DST: variants seen among roughly 807,000 people sequenced by gnomAD.
DST encodes bullous pemphigoid antigen.
Under a neutral mutation model 875.2 loss-of-function variants are expected in DST, and 253 were observed. The ratio of observed to expected loss-of-function variants is 0.29; its 90% CI spans 0.26 to 0.32. DST has a LOEUF of 0.32. Ranked by LOEUF, DST falls within the 10% of genes least tolerant of loss-of-function variation. The probability of loss-of-function intolerance (pLI) is 1.00; values close to 1 mark genes in which losing one functional copy is unlikely to be tolerated. For missense variants in DST, 8,287 were observed against 9,111.6 expected (o/e 0.91, Z 3.68); for synonymous variants, 3,124 against 3,197.1 (o/e 0.98, Z 0.77).
Position 56,628,128 on chromosome 6 carries a change from C to A in DST, c.4509G>T (p.Leu1503=). ...GATGGTAAGTGTCTCTGTAGTACTT[C>A]AGTGATTTGCCAATGCCCTCTAAGT... is the stretch of plus-strand genomic sequence containing the variant. ...LRDLEGIGKS[L]KYYRDTYHPL... Residue 1503 remains leucine (L), a synonymous_variant, in exon 33 of 104, where the codon CTG becomes CTT. Transcript: ENST00000680361. The A allele has an allele frequency of 1.2e-6, 2 of 1,613,852 alleles. No homozygotes were observed. Among genetic ancestry groups the A allele is most frequent in the Non-Finnish European group, 1.7e-6 (2 of 1,179,762 alleles).
chr6:56,520,742 A>T lies in DST; in HGVS notation c.18130-3122T>A, dbSNP rs555068738. 2.8e-3 allele frequency among the ~76,000 whole-genome samples: 427 copies of T among 151,974 alleles called. 2 individuals are homozygous for T. The highest frequency in any genetic ancestry group is 9.0e-3 in the African/African-American group (372 of 41,554). On this transcript the variant is annotated intron_variant, in intron 69 of 103. Coordinates refer to ENST00000680361, the MANE Select transcript of DST (RefSeq NM_001374736.1). ...AAAGAAAATATATTAAATAAAAAAA[A>T]TTTTAAAAGAAAGAAAACCAACTCT...
At chr6:56,545,786 A>G (rs940953938) in intron 61 of DST, among the ~76,000 whole-genome samples, 1 of 152,222 alleles carries the variant, frequency 6.6e-6, no homozygotes, top group Non-Finnish European at 1.5e-5. Flanking sequence ...AAGTAAACGC[A>G]CTATTATCAA....
chr6:56,943,391 AAGTC>A (rs1028802207), intron 2 of DST, among the ~76,000 whole-genome samples: 5 of 151,720 alleles, frequency 3.3e-5, no homozygotes, highest in African/African-American at 1.2e-4. Flanking sequence ...AAAAAAAAAA[AAGTC>A]AGGGATATTT....
intron 4 of DST, among the ~76,000 whole-genome samples, chr6:56,827,281 C>T (rs1365349151): frequency 1.3e-5 from 2 of 151,910 alleles, no homozygotes; most frequent in Admixed American, 1.3e-4. Context: ...TTTGGGAGGC[C>T]GAGGCGGGTG....
chr6:56,721,470 C>T (rs2099416346), intron 5 of DST, among the ~76,000 whole-genome samples: 1 of 152,206 alleles, frequency 6.6e-6, no homozygotes, highest in African/African-American at 2.4e-5. Flanking sequence ...GCAGTAAAGA[C>T]AGGCATAGGA....
At position 56,953,696 on chromosome 6, in the gene DST, T is replaced by C; in HGVS notation, c.216+89A>G. On this transcript the variant is annotated intron_variant, in intron 2 of 103. Coordinates refer to ENST00000680361, the MANE Select transcript of DST (RefSeq NM_001374736.1). ...ACAGCATGTTCGTCATTCAGTGTCC[T>C]ACTGGTTTCTTAACACGCATATAAT... 3 of 958,068 alleles carry C rather than the reference T, an allele frequency of 3.1e-6. No individual in the cohort carries two copies. In the South Asian group the frequency reaches 4.4e-5, roughly 14 times the overall value. 59.3% of individuals were successfully genotyped at this position (958,068 alleles called of 1,614,324 possible).
chr6:56,779,707 T>A (rs2099688053), intron 4 of DST, among the ~76,000 whole-genome samples: 1 of 150,858 alleles, frequency 6.6e-6, no homozygotes, highest in African/African-American at 2.4e-5. Context: ...ATATGTGGCA[T>A]TAGTCTTCCT....
chr6:56,721,730 A>G (rs1350832487), intron 5 of DST, among the ~76,000 whole-genome samples: 1 of 152,260 alleles, frequency 6.6e-6, no homozygotes, highest in Non-Finnish European at 1.5e-5. Flanking sequence ...GTAGAAAATC[A>G]CATTCATAGA....
chr6:56,695,196 T>C (rs1318574153), intron 9 of DST, among the ~76,000 whole-genome samples: 1 of 148,284 alleles, frequency 6.7e-6, no homozygotes, highest in African/African-American at 2.5e-5. Context: ...TCCTCCTCCT[T>C]CTCTCTCTCT....
Position 56,503,628 on chromosome 6 carries a change from C to CA in DST, c.19566+368_19566+369insT, listed in dbSNP as rs60758848. ...ACACACACACACACACACACACACA[C>CA]CCCATGTCCCTAACATGAAGATATC... is the stretch of plus-strand genomic sequence containing the variant. On this transcript the variant is annotated intron_variant, in intron 78 of 103. Coordinates refer to ENST00000680361, the MANE Select transcript of DST (RefSeq NM_001374736.1). Among the ~76,000 whole-genome samples, 5 of 149,048 alleles carry CA rather than the reference C, an allele frequency of 3.4e-5. No individual in the cohort carries two copies. The South Asian group carries it at 6.4e-4, about 19-fold the overall frequency.
chr6:56,924,219 C>G (rs568761623), intron 2 of DST, among the ~76,000 whole-genome samples: 1 of 152,294 alleles, frequency 6.6e-6, no homozygotes, highest in African/African-American at 2.4e-5. Flanking sequence ...AATTAACCAT[C>G]ACATAGTGCT....
At chr6:56,777,337 A>G (rs527505936) in intron 4 of DST, among the ~76,000 whole-genome samples, 1 of 152,224 alleles carries the variant, frequency 6.6e-6, no homozygotes, top group South Asian at 2.1e-4. Context: ...GCAAAATATT[A>G]CCTTTACTAA....
chr6:56,764,994 G>A (rs2099629527), intron 4 of DST, among the ~76,000 whole-genome samples: 1 of 148,382 alleles, frequency 6.7e-6, no homozygotes, highest in Non-Finnish European at 1.5e-5. Context: ...AGGGAGGGAG[G>A]GAGGAAGGGA....
intron 23 of DST, 47 bp downstream of exon 23, chr6:56,636,509 GC>G (rs1686797207): frequency 1.3e-6 from 2 of 1,495,240 alleles, no homozygotes; most frequent in South Asian, 2.3e-5. Flanking sequence ...CTGCAAGTTA[GC>G]CAAAATCACA....
intron 4 of DST, among the ~76,000 whole-genome samples, chr6:56,826,924 T>C (rs964164717): frequency 1.3e-5 from 2 of 152,176 alleles, no homozygotes; most frequent in Non-Finnish European, 2.9e-5. Flanking sequence ...GAGAGCACTG[T>C]TTCCCCATGT....
At position 56,604,195 on chromosome 6, in the gene DST, C is replaced by T. The variant is rs778659217; in HGVS notation, c.10433G>A (p.Arg3478Lys). 34 of 1,603,988 alleles carry T rather than the reference C, an allele frequency of 2.1e-5. No homozygotes were observed. The highest frequency in any genetic ancestry group is 2.7e-5 in the Non-Finnish European group (32 of 1,174,428). The change falls in exon 40 of 104, where the codon AGA becomes AAA. Residue 3478 changes from arginine to lysine, a missense_variant. Physicochemically the swap from Arg to Lys is conservative, Grantham distance 26. Around this residue, in one of 10 missense-constraint regions of DST, gnomAD observed 3,138 missense variants for 3,116.6 expected, o/e 1.01. Coordinates refer to ENST00000680361, the MANE Select transcript of DST (RefSeq NM_001374736.1). ...LTHMEYDLEK[R>K]GITSKVLPLQ... ...TGGAAGTACTTTAGACGTAATGCCT[C>T]TTTTCTCTAGGTCATACTCCATATG... is the stretch of plus-strand genomic sequence containing the variant.
intron 2 of DST, among the ~76,000 whole-genome samples, chr6:56,929,725 TC>T (rs1562439670): frequency 6.6e-6 from 1 of 152,136 alleles, no homozygotes. Context: ...AAATTTTTAA[TC>T]CCCCAATTTA....
Position 56,553,536 on chromosome 6 carries a change from T to A in DST, c.15256A>T (p.Ile5086Leu). 1 of 1,613,986 alleles carries A rather than the reference T, an allele frequency of 6.2e-7. No homozygotes were observed. The highest frequency in any genetic ancestry group is 8.5e-7 in the Non-Finnish European group (1 of 1,179,892). The change falls in exon 61 of 104, where the codon ATA becomes TTA. Residue 5086 changes from isoleucine to leucine, a missense_variant. Around this residue, in one of 10 missense-constraint regions of DST, gnomAD observed 1,513 missense variants for 1,677.8 expected, o/e 0.90. Coordinates refer to ENST00000680361, the MANE Select transcript of DST (RefSeq NM_001374736.1). ...KKEEQNKSHP[I>L]SAKLDVLESL... The stretch of plus-strand genomic sequence containing the variant: ...TCCAAGACATCGAGTTTGGCAGATA[T>A]TGGATGAGATTTGTTTTGCTCTTCT...
chr6:56,616,968 C>T (rs1380291795), intron 36 of DST: 1 of 1,604,310 alleles, frequency 6.2e-7, no homozygotes, highest in Non-Finnish European at 8.5e-7. Flanking sequence ...AATGCCAAAG[C>T]CACCATTTTG....
Sources: allele counts gnomAD v4.1 joint callset (sites outside exome capture counted in the v4.1 genomes callset), GRCh38; gene constraint gnomAD v4.1.1; regional missense constraint gnomAD v4.1.1; transcripts MANE v1.5; gene names NCBI Gene and HGNC (gene_info 2026-07-23, HGNC 2026-07-21).